The following NDRG3 variants were observed in gnomAD, a reference collection of about 807,000 sequenced individuals.
NDRG3 encodes protein NDRG3.
Under a neutral mutation model 57.2 loss-of-function variants are expected in NDRG3, and 23 were observed. That is an observed-to-expected ratio of 0.40 (90% CI 0.29 to 0.57). The LOEUF is 0.57. Ranked by LOEUF, NDRG3 falls within the 20% of genes least tolerant of loss-of-function variation. The pLI, the probability that NDRG3 is intolerant of heterozygous loss-of-function variation, is 0.42. For synonymous variants in NDRG3, 132 were observed against 162.6 expected, an observed-to-expected ratio of 0.81 and a Z score of 1.43; for missense variants, 384 against 457.3, an observed-to-expected ratio of 0.84 and a Z score of 1.46.
Position 36,653,478 on chromosome 20 carries a change from T to G in NDRG3, c.*42A>C, listed in dbSNP as rs1176566361. The G allele has an allele frequency of 6.3e-7, 1 of 1,580,068 alleles. No individual in the cohort carries two copies. The highest frequency in any genetic ancestry group is 1.7e-5 in the Admixed American group (1 of 58,128). ...AAATGTTATATTATGGAGTGGTCATTTGAAGGATGGACTTGCAATGGTCCA... is the reference window on the plus strand; with the variant it reads ...AAATGTTATATTATGGAGTGGTCATGTGAAGGATGGACTTGCAATGGTCCA... On this transcript the variant is annotated 3_prime_UTR_variant, in exon 16 of 16. Coordinates refer to ENST00000349004, the MANE Select transcript of NDRG3 (RefSeq NM_032013.4). The surrounding 1 kb of genome is among the most constrained non-coding windows in gnomAD (Gnocchi z 4.2).
intron 1 of NDRG3, among the ~76,000 whole-genome samples, chr20:36,733,146 CAAAAA>C (rs141850127): frequency 0.012 from 444 of 38,282 alleles, 1 homozygote; most frequent in East Asian, 0.039. Context: ...GATCCTGTCT[CAAAAA>C]AAAAAAAAAA....
intron 3 of NDRG3, among the ~76,000 whole-genome samples, chr20:36,693,105 A>AAATATAT (rs56739356): frequency 3.9e-5 from 1 of 25,856 alleles, no homozygotes; most frequent in Non-Finnish European, 6.6e-5. Context: ...AAAAAAAAAA[A>AAATATAT]ATATATATAT....
intron 1 of NDRG3, among the ~76,000 whole-genome samples, chr20:36,741,878 A>G (rs1985945030): frequency 6.6e-6 from 1 of 152,212 alleles, no homozygotes; most frequent in African/African-American, 2.4e-5. Flanking sequence ...TAAGCTCTCA[A>G]GGTAATGCTG....
At chr20:36,744,975 G>C (rs866671079) in intron 1 of NDRG3, among the ~76,000 whole-genome samples, 10 of 151,504 alleles carry the variant, frequency 6.6e-5, no homozygotes, top group Admixed American at 5.9e-4. Flanking sequence ...TAAGGGGGGG[G>C]GGGGGCGCGG....
intron 8 of NDRG3, among the ~76,000 whole-genome samples, chr20:36,678,164 C>T (rs1980921912): frequency 1.3e-5 from 2 of 152,162 alleles, no homozygotes; most frequent in South Asian, 4.1e-4. Context: ...TGCTGGGGTT[C>T]ACTGTGGAGT....
intron 8 of NDRG3, among the ~76,000 whole-genome samples, chr20:36,672,650 G>C (rs1360292261): frequency 2.6e-5 from 4 of 152,102 alleles, no homozygotes; most frequent in African/African-American, 9.7e-5. Context: ...CCAACATGGT[G>C]AAACCCTGTC....
chr20:36,659,605 G>A (rs938934045), intron 13 of NDRG3, among the ~76,000 whole-genome samples: 1 of 151,914 alleles, frequency 6.6e-6, no homozygotes, highest in South Asian at 2.1e-4. Context: ...TTATTTATTT[G>A]TTTATTTATT....
At chr20:36,722,143 G>A (rs534334776) in intron 1 of NDRG3, among the ~76,000 whole-genome samples, 1 of 152,148 alleles carries the variant, frequency 6.6e-6, no homozygotes, top group Non-Finnish European at 1.5e-5. Context: ...TAGGTCTGAA[G>A]AGGCAAGCTG....
chr20:36,686,737 C>CA (rs762951331), intron 5 of NDRG3, among the ~76,000 whole-genome samples: 1 of 152,206 alleles, frequency 6.6e-6, no homozygotes, highest in African/African-American at 2.4e-5. Flanking sequence ...TCAGAATAAA[C>CA]AGTTACACAG....
intron 1 of NDRG3, among the ~76,000 whole-genome samples, chr20:36,736,905 C>G (rs192878307): frequency 2.0e-5 from 3 of 152,078 alleles, no homozygotes; most frequent in Non-Finnish European, 4.4e-5. Context: ...GCTCACAGAT[C>G]CTCACTGTAA....
chr20:36,683,136 C>T (rs1215811522), intron 6 of NDRG3, among the ~76,000 whole-genome samples: 10 of 151,314 alleles, frequency 6.6e-5, no homozygotes, highest in South Asian at 2.1e-4. Flanking sequence ...CCCAGCTGCT[C>T]GGGAGGCTGA....
At chr20:36,669,358 T>C (rs1300747004) in intron 9 of NDRG3, among the ~76,000 whole-genome samples, 2 of 143,410 alleles carry the variant, frequency 1.4e-5, no homozygotes, top group Non-Finnish European at 3.0e-5. Flanking sequence ...ACCTTCCAAG[T>C]AGCTGGTACT....
chr20:36,680,240 A>G (rs1039291716), intron 8 of NDRG3, among the ~76,000 whole-genome samples: 5 of 151,486 alleles, frequency 3.3e-5, no homozygotes. Context: ...TAATCCCAGC[A>G]GTTTGGGAGG....
chr20:36,711,020 C>T (rs978994105), intron 2 of NDRG3, among the ~76,000 whole-genome samples: 3 of 150,304 alleles, frequency 2.0e-5, no homozygotes, highest in South Asian at 2.1e-4. Flanking sequence ...GTGGCTCACC[C>T]GTATAATCCC....
intron 12 of NDRG3, among the ~76,000 whole-genome samples, chr20:36,662,103 G>A (rs1356572756): frequency 6.6e-6 from 1 of 152,074 alleles, no homozygotes; most frequent in Non-Finnish European, 1.5e-5. Context: ...CTGGAAGAGT[G>A]AACTCTCAAA....
intron 1 of NDRG3, among the ~76,000 whole-genome samples, chr20:36,735,863 C>T (rs1451698444): frequency 2.6e-5 from 4 of 151,756 alleles, no homozygotes; most frequent in African/African-American, 7.3e-5. Context: ...ATGGCGCATG[C>T]CTTAATCCCA....
intron 1 of NDRG3, among the ~76,000 whole-genome samples, chr20:36,728,226 T>C (rs1032635239): frequency 2.6e-5 from 4 of 151,930 alleles, no homozygotes; most frequent in Admixed American, 6.6e-5. Context: ...GCTAATTTTT[T>C]TGTATTTTTA....
intron 1 of NDRG3, among the ~76,000 whole-genome samples, chr20:36,744,050 A>G (rs924820133): frequency 8.0e-5 from 12 of 150,734 alleles, no homozygotes; most frequent in Non-Finnish European, 1.6e-4. Context: ...ACAGGCGCCC[A>G]CCACCACACG....
At chr20:36,691,388 G>A (rs1394971044) in intron 3 of NDRG3, among the ~76,000 whole-genome samples, 5 of 152,180 alleles carry the variant, frequency 3.3e-5, no homozygotes, top group African/African-American at 1.2e-4. Flanking sequence ...AAGAAATGAA[G>A]ACTAGAATCA....
Sources: allele counts gnomAD v4.1 joint callset (sites outside exome capture counted in the v4.1 genomes callset), GRCh38; gene constraint gnomAD v4.1.1; non-coding constraint Gnocchi (gnomAD v3.1); transcripts MANE v1.5; gene names NCBI Gene and HGNC (gene_info 2026-07-23, HGNC 2026-07-21).